HMCN2: variants seen among roughly 807,000 people sequenced by gnomAD.
HMCN2 encodes the protein hemicentin-2.
Under a neutral mutation model 377.5 loss-of-function variants are expected in HMCN2, and 325 were observed. The ratio of observed to expected loss-of-function variants is 0.86; its 90% CI spans 0.79 to 0.94. HMCN2 has a LOEUF of 0.94. Among genes scored for constraint, HMCN2 ranks in the 40% least tolerant of loss-of-function variants. The pLI is 0.00. For missense variants in HMCN2, 4,543 were observed against 4,725.3 expected, an observed-to-expected ratio of 0.96 and a Z score of 1.13; for synonymous variants, 2,007 against 2,046.8, an observed-to-expected ratio of 0.98 and a Z score of 0.53.
chr9:130,372,188 T>C (rs185374983), intron 46 of HMCN2, 106 bp from the exon 47 acceptor site: 1 of 204,064 alleles, frequency 4.9e-6, no homozygotes, highest in Admixed American at 6.5e-5. Flanking sequence ...GACAGACATG[T>C]ACACGCCTAA....
At chr9:130,336,851 C>T (rs1838780065) in intron 22 of HMCN2, among the ~76,000 whole-genome samples, 2 of 152,076 alleles carry the variant, frequency 1.3e-5, no homozygotes, top group Admixed American at 6.5e-5. Context: ...TGCAGCTGCC[C>T]GCGAGGTGGG....
At chr9:130,274,754 A>G (rs888019558) in intron 1 of HMCN2, among the ~76,000 whole-genome samples, 7 of 152,204 alleles carry the variant, frequency 4.6e-5, no homozygotes, top group Admixed American at 1.3e-4. Flanking sequence ...AGCATTTTAC[A>G]ACTTGCTTTC....
At chr9:130,329,149 GC>G (rs1383319663) in intron 22 of HMCN2, among the ~76,000 whole-genome samples, 3 of 152,102 alleles carry the variant, frequency 2.0e-5, no homozygotes, top group Non-Finnish European at 4.4e-5. Context: ...GCAGCCACCA[GC>G]CCCCCATTTC....
chr9:130,315,757 G>T (rs1197650482), intron 15 of HMCN2, among the ~76,000 whole-genome samples: 11 of 152,102 alleles, frequency 7.2e-5, no homozygotes, highest in African/African-American at 2.7e-4. Context: ...GTTCTGCCAG[G>T]GTTCTCTTCC....
chr9:130,314,030 T>C (rs963572515), intron 15 of HMCN2, among the ~76,000 whole-genome samples: 24 of 152,280 alleles, frequency 1.6e-4, no homozygotes, highest in African/African-American at 5.8e-4. Flanking sequence ...TCCACCTACC[T>C]TGGGCTCCCA....
chr9:130,337,254 C>A (rs1163204624), intron 22 of HMCN2, among the ~76,000 whole-genome samples: 1 of 152,146 alleles, frequency 6.6e-6, no homozygotes, highest in Admixed American at 6.5e-5. Flanking sequence ...CTGAGCCAGA[C>A]TGGGGAGGAC....
intron 78 of HMCN2, 45 bp downstream of exon 78, chr9:130,402,941 A>C: frequency 7.9e-7 from 1 of 1,261,686 alleles, no homozygotes; most frequent in South Asian, 1.2e-5. Context: ...GGGCCAGGGG[A>C]GCAGGTGGAG....
At chr9:130,314,295 A>G (rs1479773730) in intron 15 of HMCN2, among the ~76,000 whole-genome samples, 1 of 152,182 alleles carries the variant, frequency 6.6e-6, no homozygotes, top group African/African-American at 2.4e-5. Context: ...CTTCTCCATC[A>G]GGCATAGCAG....
At chr9:130,333,025 G>T (rs977412055) in intron 22 of HMCN2, among the ~76,000 whole-genome samples, 4 of 152,202 alleles carry the variant, frequency 2.6e-5, no homozygotes, top group Non-Finnish European at 4.4e-5. Flanking sequence ...TGGAAGGTCT[G>T]GGGGGAGGGA....
intron 86 of HMCN2, among the ~76,000 whole-genome samples, chr9:130,420,217 G>A (rs1843924391): frequency 6.6e-6 from 1 of 151,986 alleles, no homozygotes; most frequent in Non-Finnish European, 1.5e-5. Context: ...TGGGACTACA[G>A]GCACCCGCCA....
chr9:130,293,330 G>A (rs1203278059), intron 4 of HMCN2, among the ~76,000 whole-genome samples: 2 of 98,936 alleles, frequency 2.0e-5, no homozygotes, highest in African/African-American at 5.5e-5. Context: ...TACTGAGAAA[G>A]GATAGTTGAA....
intron 33 of HMCN2, 58 bp downstream of exon 33, chr9:130,355,912 G>A (rs1324203141): frequency 2.2e-5 from 24 of 1,085,242 alleles, no homozygotes; most frequent in East Asian, 6.0e-5. Flanking sequence ...TGTGCTTTGC[G>A]GATTGTGGGG....
rs1338544331 is a variant in HMCN2, at chr9:130,424,903, G to A, written c.13509G>A (p.Glu4503=). 1 of 1,461,396 alleles carries A rather than the reference G, an allele frequency of 6.8e-7. No individual in the cohort carries two copies. Among genetic ancestry groups the A allele is most frequent in the African/African-American group, 1.4e-5 (1 of 70,404 alleles). The allele number at this position is 1,461,396 out of a possible 1,614,324, so 90.5% of individuals were successfully genotyped here. ...GGRFRQESHV[E]FATGELLTMT... ...GGTTCCGGCAGGAGTCACACGTGGAGTTTGCTACAGGTAAACAGGGCCTCC... is the reference window on the plus strand; with the variant it reads ...GGTTCCGGCAGGAGTCACACGTGGAATTTGCTACAGGTAAACAGGGCCTCC... Residue 4503 remains glutamate, a synonymous_variant, in exon 88 of 98, where the codon GAG becomes GAA. Transcript: ENST00000683500.
At position 130,396,153 on chromosome 9, in the gene HMCN2, C is replaced by T. The variant is rs1842599377; in HGVS notation, c.11054-16C>T. The T allele has an allele frequency of 1.6e-6, 2 of 1,264,652 alleles. No homozygotes were observed. The highest frequency in any genetic ancestry group is 3.1e-5 in the African/African-American group (2 of 65,170). The allele number at this position is 1,264,652 out of a possible 1,614,324, so 78.3% of individuals were successfully genotyped here. The stretch of plus-strand genomic sequence containing the variant: ...GCCACAGCTCCCAGCACCACTCCCT[C>T]TGTGCCCCTCCCCAGCGGTGCCCAC... On this transcript the variant is annotated splice_polypyrimidine_tract_variant and intron_variant, in intron 72 of 97. Transcript: ENST00000683500.
chr9:130,353,063 C>G lies in HMCN2; in HGVS notation c.4722C>G (p.Pro1574=), dbSNP rs553024377. 4.5e-4 allele frequency: 581 copies of G among 1,304,208 alleles called. 3 individuals carry two copies. The African/African-American group carries it at 7.4e-3, about 17-fold the overall frequency. The allele number at this position is 1,304,208 out of a possible 1,614,324, so 80.8% of individuals were successfully genotyped here. A position where few individuals can be genotyped will look rare whatever the true frequency, so the allele number is the denominator to read the frequency against. Residue 1574 remains proline, a synonymous_variant, in exon 31 of 98, where the codon CCC becomes CCG. Transcript: ENST00000683500. ...GGTTCAAGGACGGGGCCCTGCTCCC[C>G]ACCAGCACCAAGGTGGTCTACACTA... The part of the protein sequence containing the change: ...ITWFKDGALL[P]TSTKVVYTRG...
intron 15 of HMCN2, among the ~76,000 whole-genome samples, chr9:130,312,617 T>TTTCC (rs1837331017): frequency 7.6e-6 from 1 of 131,122 alleles, no homozygotes; most frequent in Non-Finnish European, 1.6e-5. Context: ...TCTTTCTTTC[T>TTTCC]CTGTCTCTCT....
chr9:130,377,535 T>A, intron 52 of HMCN2, 114 bp from the exon 53 acceptor site: 1 of 517,964 alleles, frequency 1.9e-6, no homozygotes, highest in Non-Finnish European at 2.5e-6. Flanking sequence ...GGTGTTCTTG[T>A]CACTTTATGC....
At chr9:130,312,823 G>A (rs1292268550) in intron 15 of HMCN2, among the ~76,000 whole-genome samples, 5 of 151,438 alleles carry the variant, frequency 3.3e-5, no homozygotes, top group African/African-American at 1.2e-4. Flanking sequence ...GCGTCACCAT[G>A]CCCAGCTAAT....
Position 130,351,480 on chromosome 9 carries a change from G to A in HMCN2, c.4488G>A (p.Arg1496=). The A allele has an allele frequency of 7.7e-7, 1 of 1,304,300 alleles. No individual in the cohort carries two copies. The highest frequency in any genetic ancestry group is 1.0e-6 in the Non-Finnish European group (1 of 988,962). 80.8% of individuals were successfully genotyped at this position (1,304,300 alleles called of 1,614,324 possible). The part of the protein sequence containing the change: ...LQVQEDGQVL[R]ITGSHVGDEG... The stretch of plus-strand genomic sequence containing the variant: ...TCCAGGAGGATGGCCAGGTTCTCAG[G>A]ATCACCGGCAGTCACGTGGGGGATG... Residue 1496 remains arginine, a synonymous_variant, in exon 30 of 98, where the codon AGG becomes AGA. Transcript: ENST00000683500. This position sits in a 1 kb window ranked among gnomAD's most constrained non-coding sequence, Gnocchi z 5.4.
Sources: gnomAD v4.1 joint callset for allele counts (sites outside exome capture counted in the v4.1 genomes callset) on GRCh38, gnomAD v4.1.1 for gene constraint, Gnocchi (gnomAD v3.1) non-coding constraint, MANE v1.5 for transcripts, NCBI Gene and HGNC (gene_info 2026-07-23, HGNC 2026-07-21) for gene names.